Variants in OPCML observed in about 807,000 individuals in gnomAD.
OPCML encodes the protein opioid binding protein/cell adhesion molecule like.
In OPCML, 13 loss-of-function variants were observed where a neutral mutation model predicts 37.8. That is an observed-to-expected ratio of 0.34 (90% CI 0.22 to 0.55). The LOEUF is 0.55. OPCML is among the 20% of genes least tolerant of loss of function. The pLI, the probability that OPCML is intolerant of heterozygous loss-of-function variation, is 0.91. For missense variants in OPCML, 341 were observed against 435.6 expected (o/e 0.78, Z 1.93); for synonymous variants, 176 against 168.8 (o/e 1.04, Z -0.33).
intron 1 of OPCML, among the ~76,000 whole-genome samples, chr11:133,427,582 C>G (rs1309622034): frequency 6.6e-6 from 1 of 151,822 alleles, no homozygotes; most frequent in Admixed American, 6.6e-5. Flanking sequence ...ATGAGCAGAA[C>G]TGGAATGATA....
intron 4 of OPCML, among the ~76,000 whole-genome samples, chr11:132,499,927 A>G (rs890597543): frequency 6.6e-6 from 1 of 152,204 alleles, no homozygotes; most frequent in Middle Eastern, 3.2e-3. Flanking sequence ...CATATAGTAC[A>G]TGAAGAACCC....
chr11:133,412,421 C>T (rs1053715541), intron 1 of OPCML, among the ~76,000 whole-genome samples: 3 of 152,120 alleles, frequency 2.0e-5, no homozygotes, highest in African/African-American at 4.8e-5. Flanking sequence ...GGCATGGGCA[C>T]GGTTCACAAA....
chr11:133,266,677 C>A (rs1018125304), intron 1 of OPCML, among the ~76,000 whole-genome samples: 1 of 152,128 alleles, frequency 6.6e-6, no homozygotes, highest in Non-Finnish European at 1.5e-5. Context: ...CTTAAGGAAG[C>A]TTTCAATCTA....
At chr11:132,616,418 T>C (rs1297629389) in intron 3 of OPCML, among the ~76,000 whole-genome samples, 1 of 152,240 alleles carries the variant, frequency 6.6e-6, no homozygotes, top group Non-Finnish European at 1.5e-5. Context: ...AGTCAGATAC[T>C]TCAGATTTCT....
intron 1 of OPCML, among the ~76,000 whole-genome samples, chr11:133,134,433 C>T (rs569628066): frequency 6.6e-6 from 1 of 152,346 alleles, no homozygotes; most frequent in African/African-American, 2.4e-5. Flanking sequence ...TCCTGAGCCA[C>T]AGTCCTTCCA....
intron 1 of OPCML, among the ~76,000 whole-genome samples, chr11:133,310,247 T>A (rs982311485): frequency 6.6e-6 from 1 of 152,156 alleles, no homozygotes. Context: ...GAAAATGACA[T>A]GGGCCCATAA....
intron 1 of OPCML, among the ~76,000 whole-genome samples, chr11:133,263,582 G>C (rs1442742769): frequency 6.6e-6 from 1 of 152,100 alleles, no homozygotes; most frequent in Non-Finnish European, 1.5e-5. Context: ...TGCATTTCTT[G>C]GAATGTATCC....
intron 1 of OPCML, among the ~76,000 whole-genome samples, chr11:133,051,519 G>T (rs760018450): frequency 2.0e-5 from 3 of 151,282 alleles, no homozygotes; most frequent in African/African-American, 7.4e-5. Flanking sequence ...CTGGGTTTTT[G>T]TTTGTTTGTT....
At chr11:133,437,649 C>T (rs1712611421) in intron 1 of OPCML, among the ~76,000 whole-genome samples, 1 of 147,378 alleles carries the variant, frequency 6.8e-6, no homozygotes, top group African/African-American at 2.5e-5. Flanking sequence ...CTCTCAACCC[C>T]GCTCACCTCT....
chr11:132,848,608 A>G (rs1004790992), intron 2 of OPCML, among the ~76,000 whole-genome samples: 1 of 152,232 alleles, frequency 6.6e-6, no homozygotes, highest in African/African-American at 2.4e-5. Context: ...GGAAGAATTC[A>G]TGACTGGACC....
At chr11:132,672,239 G>A (rs1196628532) in intron 2 of OPCML, among the ~76,000 whole-genome samples, 1 of 152,148 alleles carries the variant, frequency 6.6e-6, no homozygotes, top group Non-Finnish European at 1.5e-5. Context: ...AGCACAGCCT[G>A]GTTAAGCCCT....
At chr11:133,137,286 G>A (rs1021545101) in intron 1 of OPCML, among the ~76,000 whole-genome samples, 12 of 152,158 alleles carry the variant, frequency 7.9e-5, no homozygotes, top group African/African-American at 2.7e-4. Context: ...ATGATCTTTG[G>A]AGATTTGTGT....
At chr11:133,219,516 T>C (rs2136358633) in intron 1 of OPCML, among the ~76,000 whole-genome samples, 1 of 152,348 alleles carries the variant, frequency 6.6e-6, no homozygotes, top group South Asian at 2.1e-4. Flanking sequence ...GCTTCTCGAA[T>C]TTTAGCATGG....
At chr11:132,520,478 A>G (rs889568287) in intron 4 of OPCML, among the ~76,000 whole-genome samples, 39 of 152,300 alleles carry the variant, frequency 2.6e-4, no homozygotes, top group African/African-American at 9.1e-4. Context: ...AGAAACAACA[A>G]ATTCTTATAT....
chr11:133,518,297 T>C (rs1213293630), intron 1 of OPCML, among the ~76,000 whole-genome samples: 1 of 147,184 alleles, frequency 6.8e-6, no homozygotes, highest in Non-Finnish European at 1.5e-5. Context: ...TATGTATGTG[T>C]GTAATGTGTA....
chr11:132,774,234 G>A (rs1005502888), intron 2 of OPCML, among the ~76,000 whole-genome samples: 1 of 152,150 alleles, frequency 6.6e-6, no homozygotes, highest in Non-Finnish European at 1.5e-5. Context: ...TTCAAAACAC[G>A]CAGCCTGGTC....
intron 1 of OPCML, among the ~76,000 whole-genome samples, chr11:133,069,092 C>T (rs927795586): frequency 7.2e-5 from 11 of 152,214 alleles, no homozygotes; most frequent in Non-Finnish European, 8.8e-5. Flanking sequence ...GAAGAAGCAA[C>T]GGTGTAGTAA....
At chr11:132,523,858 C>T (rs1474683494) in intron 4 of OPCML, among the ~76,000 whole-genome samples, 2 of 152,146 alleles carry the variant, frequency 1.3e-5, no homozygotes, top group African/African-American at 2.4e-5. Context: ...CTTTGGTTAC[C>T]TGGAAAATTC....
chr11:132,760,835 G>A (rs980431096), intron 2 of OPCML, among the ~76,000 whole-genome samples: 2 of 152,038 alleles, frequency 1.3e-5, no homozygotes, highest in Non-Finnish European at 2.9e-5. Flanking sequence ...ATTTGATCCT[G>A]TCATTATGAT....
Sources: allele counts gnomAD v4.1 joint callset (sites outside exome capture counted in the v4.1 genomes callset), GRCh38; gene constraint gnomAD v4.1.1; transcripts MANE v1.5; gene names NCBI Gene and HGNC (gene_info 2026-07-23, HGNC 2026-07-21).